The following PIBF1 variants were observed in gnomAD, a reference collection of about 807,000 sequenced individuals.
PIBF1 encodes progesterone-induced-blocking factor 1.
Under a neutral mutation model 112.5 loss-of-function variants are expected in PIBF1, and 90 were observed. The ratio of observed to expected loss-of-function variants is 0.80; its 90% CI spans 0.67 to 0.95. The LOEUF is 0.95. Among genes scored for constraint, PIBF1 ranks in the 40% least tolerant of loss-of-function variants. The probability of loss-of-function intolerance (pLI) is 0.00; values close to 1 mark genes in which losing one functional copy is unlikely to be tolerated. For missense variants in PIBF1, 915 were observed against 852.3 expected (o/e 1.07, Z -0.92); for synonymous variants, 301 against 288.6 (o/e 1.04, Z -0.44).
At chr13:72,889,884 G>A (rs902928300) in intron 10 of PIBF1, among the ~76,000 whole-genome samples, 1 of 152,054 alleles carries the variant, frequency 6.6e-6, no homozygotes, top group African/African-American at 2.4e-5. Flanking sequence ...TGATAACTGG[G>A]TTCAAAATTT....
chr13:72,879,952 C>T (rs1566397371), intron 10 of PIBF1, among the ~76,000 whole-genome samples: 1 of 152,190 alleles, frequency 6.6e-6, no homozygotes, highest in Admixed American at 6.5e-5. Flanking sequence ...GTTGTTGCAA[C>T]AGAAACTTTT....
intron 17 of PIBF1, among the ~76,000 whole-genome samples, chr13:73,008,001 T>C (rs2044090011): frequency 6.6e-6 from 1 of 152,134 alleles, no homozygotes; most frequent in Non-Finnish European, 1.5e-5. Context: ...ATGAAGAATA[T>C]ACATTTTATG....
chr13:72,929,238 T>C (rs571318061), intron 13 of PIBF1, among the ~76,000 whole-genome samples: 2 of 152,340 alleles, frequency 1.3e-5, no homozygotes, highest in South Asian at 4.1e-4. Context: ...GAGCTAATGA[T>C]AAACTGATGC....
At chr13:72,785,701 C>T (rs943823512) in intron 2 of PIBF1, among the ~76,000 whole-genome samples, 1 of 152,202 alleles carries the variant, frequency 6.6e-6, no homozygotes, top group African/African-American at 2.4e-5. Flanking sequence ...CATCTACCTT[C>T]ACCTCTCCAG....
chr13:72,876,281 C>G (rs529331842), intron 10 of PIBF1, among the ~76,000 whole-genome samples: 34 of 151,804 alleles, frequency 2.2e-4, no homozygotes, highest in Admixed American at 1.1e-3. Context: ...CTATTCTGTT[C>G]CACTGATCTA....
intron 14 of PIBF1, among the ~76,000 whole-genome samples, chr13:72,964,717 A>G (rs938641401): frequency 1.1e-4 from 16 of 152,194 alleles, no homozygotes; most frequent in Non-Finnish European, 1.8e-4. Flanking sequence ...CAAGACAAAT[A>G]CTAAGAAAAT....
intron 8 of PIBF1, among the ~76,000 whole-genome samples, chr13:72,829,564 G>C (rs1191643123): frequency 1.3e-5 from 2 of 152,152 alleles, no homozygotes; most frequent in Admixed American, 6.5e-5. Context: ...GTTTGTGTCA[G>C]GTTTGTCAAA....
At chr13:72,950,709 T>C (rs1219299021) in intron 14 of PIBF1, among the ~76,000 whole-genome samples, 1 of 152,220 alleles carries the variant, frequency 6.6e-6, no homozygotes, top group Admixed American at 6.5e-5. Flanking sequence ...GAGTACCTAT[T>C]ATGGGCCAGG....
At chr13:72,888,774 TAAA>T (rs55817912) in intron 10 of PIBF1, among the ~76,000 whole-genome samples, 13 of 145,830 alleles carry the variant, frequency 8.9e-5, no homozygotes, top group Non-Finnish European at 1.4e-4. Flanking sequence ...GCCATTTGTT[TAAA>T]AAAAAAAAAC....
chr13:72,916,248 C>T (rs1045888830), intron 12 of PIBF1, among the ~76,000 whole-genome samples: 8 of 151,826 alleles, frequency 5.3e-5, no homozygotes, highest in South Asian at 2.1e-4. Context: ...AAAAATTAGC[C>T]GGGCTTGGTG....
intron 5 of PIBF1, among the ~76,000 whole-genome samples, chr13:72,799,057 G>A (rs1185199334): frequency 6.6e-6 from 1 of 152,146 alleles, no homozygotes; most frequent in African/African-American, 2.4e-5. Context: ...TTACTTTCTA[G>A]CAGGTTAGGA....
At chr13:72,967,923 A>G (rs564168812) in intron 15 of PIBF1, among the ~76,000 whole-genome samples, 1 of 152,222 alleles carries the variant, frequency 6.6e-6, no homozygotes, top group African/African-American at 2.4e-5. Context: ...CGGTAGCTCA[A>G]GTCTGTAATC....
chr13:72,876,646 T>G (rs1356959894), intron 10 of PIBF1, among the ~76,000 whole-genome samples: 1 of 152,182 alleles, frequency 6.6e-6, no homozygotes, highest in East Asian at 1.9e-4. Context: ...ACATATTATT[T>G]TAGACTTATA....
At chr13:72,895,349 G>A (rs575402201) in intron 11 of PIBF1, among the ~76,000 whole-genome samples, 1 of 148,924 alleles carries the variant, frequency 6.7e-6, no homozygotes. Flanking sequence ...TAATATTAAA[G>A]GCAAAATAGA....
chr13:72,955,114 A>T (rs1334017152), intron 14 of PIBF1, among the ~76,000 whole-genome samples: 1 of 152,230 alleles, frequency 6.6e-6, no homozygotes, highest in Non-Finnish European at 1.5e-5. Flanking sequence ...AATTACATAT[A>T]AAGTAATATT....
intron 6 of PIBF1, 41 bp from the exon 7 acceptor site, chr13:72,826,969 G>T: frequency 8.4e-7 from 1 of 1,193,824 alleles, no homozygotes; most frequent in East Asian, 2.4e-5. Flanking sequence ...TGTACAAGGG[G>T]ATGTAAAATT....
intron 10 of PIBF1, among the ~76,000 whole-genome samples, chr13:72,875,553 C>T (rs1489441573): frequency 1.3e-5 from 2 of 152,152 alleles, no homozygotes; most frequent in South Asian, 4.1e-4. Context: ...TGCATCTCCA[C>T]CAGCAGTGAA....
chr13:73,002,539 CTT>C (rs1247866415), intron 17 of PIBF1, among the ~76,000 whole-genome samples: 1 of 152,136 alleles, frequency 6.6e-6, no homozygotes, highest in Non-Finnish European at 1.5e-5. Context: ...GTATGGGACT[CTT>C]TTGCTGCTTT....
intron 17 of PIBF1, among the ~76,000 whole-genome samples, chr13:73,009,955 CA>C (rs897397385): frequency 2.0e-5 from 3 of 152,060 alleles, no homozygotes; most frequent in Non-Finnish European, 2.9e-5. Flanking sequence ...TTTTTAATGC[CA>C]AAGTTTTTAT....
Sources: allele counts gnomAD v4.1 joint callset (sites outside exome capture counted in the v4.1 genomes callset), GRCh38; gene constraint gnomAD v4.1.1; transcripts MANE v1.5; gene names NCBI Gene and HGNC (gene_info 2026-07-23, HGNC 2026-07-21).